NEGR1: variants seen among roughly 807,000 people sequenced by gnomAD.
NEGR1 encodes IgLON family member 4.
Under a neutral mutation model 40.9 loss-of-function variants are expected in NEGR1, and 10 were observed. That is an observed-to-expected ratio of 0.24 (90% CI 0.15 to 0.42). NEGR1 has a LOEUF of 0.42. Among genes scored for constraint, NEGR1 ranks in the 10% least tolerant of loss-of-function variants. NEGR1 has a pLI of 1.00. For synonymous variants in NEGR1, 185 were observed against 166.8 expected, an observed-to-expected ratio of 1.11 and a Z score of -0.84; for missense variants, 352 against 438.9, an observed-to-expected ratio of 0.80 and a Z score of 1.77.
Position 72,172,977 on chromosome 1 carries a change from C to G in NEGR1, c.176+109342G>C, listed in dbSNP as rs534696133. On this transcript the variant is annotated intron_variant, in intron 1 of 6. Transcript: ENST00000357731. ...TAATCCAGGAGAATTCACGGACCAT[C>G]CCAAGGTCAAGTTTTTTCATTTTTA... is the stretch of plus-strand genomic sequence containing the variant. 2.0e-5 allele frequency among the ~76,000 whole-genome samples: 3 copies of G among 152,082 alleles called. No homozygotes were observed. The East Asian group carries it at 5.8e-4, about 30-fold the overall frequency.
At chr1:72,156,254 T>C (rs1365783353) in intron 1 of NEGR1, among the ~76,000 whole-genome samples, 1 of 152,158 alleles carries the variant, frequency 6.6e-6, no homozygotes, top group African/African-American at 2.4e-5. Context: ...TCCTTTGGAT[T>C]CCTGTTGTAA....
At chr1:72,093,945 T>C (rs1487360051) in intron 1 of NEGR1, among the ~76,000 whole-genome samples, 1 of 152,212 alleles carries the variant, frequency 6.6e-6, no homozygotes, top group Non-Finnish European at 1.5e-5. Context: ...TAAAAAGAAT[T>C]GAACAGCATA....
At chr1:71,572,999 C>T (rs1648854157) in intron 6 of NEGR1, among the ~76,000 whole-genome samples, 1 of 152,210 alleles carries the variant, frequency 6.6e-6, no homozygotes, top group Non-Finnish European at 1.5e-5. Context: ...AGGCAGAATT[C>T]TTATTAGGAT....
intron 3 of NEGR1, among the ~76,000 whole-genome samples, chr1:71,706,689 C>T (rs1653912274): frequency 6.6e-6 from 1 of 151,712 alleles, no homozygotes; most frequent in South Asian, 2.1e-4. Flanking sequence ...GGATCAGACT[C>T]AAAAGGCCCC....
At chr1:72,160,373 A>G (rs1260400750) in intron 1 of NEGR1, among the ~76,000 whole-genome samples, 1 of 152,146 alleles carries the variant, frequency 6.6e-6, no homozygotes, top group East Asian at 1.9e-4. Flanking sequence ...AAATATCTCA[A>G]TAGTTTCATT....
intron 6 of NEGR1, among the ~76,000 whole-genome samples, chr1:71,426,741 G>A (rs1176266297): frequency 6.6e-6 from 1 of 152,024 alleles, no homozygotes; most frequent in Non-Finnish European, 1.5e-5. Flanking sequence ...AATGAGAAAA[G>A]GTATTTTGCA....
At chr1:72,226,234 G>A (rs959491567) in intron 1 of NEGR1, among the ~76,000 whole-genome samples, 1 of 151,880 alleles carries the variant, frequency 6.6e-6, no homozygotes, top group Non-Finnish European at 1.5e-5. Flanking sequence ...ATAGAAAAGG[G>A]AAGTCATAAT....
intron 4 of NEGR1, among the ~76,000 whole-genome samples, chr1:71,627,174 A>C (rs887253823): frequency 1.3e-5 from 2 of 152,142 alleles, no homozygotes; most frequent in Non-Finnish European, 2.9e-5. Flanking sequence ...ATAAATCATG[A>C]TGCTATAAAG....
chr1:71,923,703 G>T (rs1645741815), intron 2 of NEGR1, among the ~76,000 whole-genome samples: 1 of 152,022 alleles, frequency 6.6e-6, no homozygotes, highest in African/African-American at 2.4e-5. Context: ...GGCTTCTAAA[G>T]TCTATCCATA....
At chr1:72,255,202 T>G (rs1179299604) in intron 1 of NEGR1, among the ~76,000 whole-genome samples, 2 of 152,198 alleles carry the variant, frequency 1.3e-5, no homozygotes, top group Non-Finnish European at 2.9e-5. Context: ...AATGCTCTCT[T>G]TGTGTGTTAA....
chr1:72,276,734 C>T (rs562301421), intron 1 of NEGR1, among the ~76,000 whole-genome samples: 60 of 152,238 alleles, frequency 3.9e-4, no homozygotes, highest in African/African-American at 1.4e-3. Flanking sequence ...ACTGGCAAAG[C>T]AGTCACTCAA....
intron 6 of NEGR1, among the ~76,000 whole-genome samples, chr1:71,504,034 A>C (rs549814261): frequency 4.5e-4 from 67 of 149,808 alleles, no homozygotes; most frequent in African/African-American, 1.5e-3. Flanking sequence ...AAAATGTCTC[A>C]GAGGCATTCG....
intron 4 of NEGR1, among the ~76,000 whole-genome samples, chr1:71,612,669 C>T (rs1650299527): frequency 6.6e-6 from 1 of 152,146 alleles, no homozygotes; most frequent in African/African-American, 2.4e-5. Flanking sequence ...GAATGGAATA[C>T]TATTTTCGAT....
At position 72,197,994 on chromosome 1, in the gene NEGR1, G is replaced by C. The variant is rs1165224539; in HGVS notation, c.176+84325C>G. Among the ~76,000 whole-genome samples the C allele has an allele frequency of 3.3e-5, 5 of 152,124 alleles. No individual in the cohort carries two copies. In the East Asian group the frequency reaches 9.7e-4, roughly 30 times the overall value. On this transcript the variant is annotated intron_variant, in intron 1 of 6. Transcript: ENST00000357731. ...CACAACTCTGTCAGTTTTTCAGAGAGAAAAAGGCTTTTGTCTTGGAGAATA... is the reference window on the plus strand; with the variant it reads ...CACAACTCTGTCAGTTTTTCAGAGACAAAAAGGCTTTTGTCTTGGAGAATA...
intron 6 of NEGR1, among the ~76,000 whole-genome samples, chr1:71,418,947 C>CT (rs1160704096): frequency 6.6e-6 from 1 of 152,156 alleles, no homozygotes; most frequent in African/African-American, 2.4e-5. Context: ...GTTTCACACA[C>CT]TTTTTGTATT....
intron 1 of NEGR1, among the ~76,000 whole-genome samples, chr1:72,044,480 T>C (rs1413179458): frequency 6.6e-6 from 1 of 151,828 alleles, no homozygotes; most frequent in Non-Finnish European, 1.5e-5. Context: ...AATGGCAAAT[T>C]GGCACACACT....
intron 1 of NEGR1, among the ~76,000 whole-genome samples, chr1:72,163,729 AATAGATAG>A (rs756796363): frequency 1.7e-5 from 1 of 60,334 alleles, no homozygotes; most frequent in Non-Finnish European, 3.2e-5. Flanking sequence ...ACAGATATCT[AATAGATAG>A]ATAGATAGAT....
chr1:71,970,390 A>G (rs1477969660), intron 1 of NEGR1, among the ~76,000 whole-genome samples: 29 of 152,092 alleles, frequency 1.9e-4, no homozygotes, highest in Non-Finnish European at 2.9e-5. Flanking sequence ...TGTGTTTTAG[A>G]AAAAAGTCAC....
At chr1:71,940,202 G>T (rs768988856) in intron 1 of NEGR1, among the ~76,000 whole-genome samples, 3 of 152,088 alleles carry the variant, frequency 2.0e-5, no homozygotes, top group Non-Finnish European at 4.4e-5. Flanking sequence ...TGATCTTAAG[G>T]TCCCTTTGAA....
Sources: allele counts gnomAD v4.1 joint callset (sites outside exome capture counted in the v4.1 genomes callset), GRCh38; gene constraint gnomAD v4.1.1; transcripts MANE v1.5; gene names NCBI Gene and HGNC (gene_info 2026-07-23, HGNC 2026-07-21).